The following FHIT variants were observed in gnomAD, a reference collection of about 807,000 sequenced individuals.
FHIT encodes bis(5'-adenosyl)-triphosphatase.
Under a neutral mutation model 17.9 loss-of-function variants are expected in FHIT, and 19 were observed. The observed-to-expected ratio is 1.06, with a 90% CI of 0.74 to 1.56. FHIT has a LOEUF of 1.56. Among genes scored for constraint, FHIT ranks in the 40% most tolerant of loss-of-function variants. FHIT has a pLI of 0.00. For synonymous variants in FHIT, 81 were observed against 69.7 expected (o/e 1.16, Z -0.81); for missense variants, 248 against 189.2 (o/e 1.31, Z -1.82).
intron 3 of FHIT, among the ~76,000 whole-genome samples, chr3:60,898,745 A>T (rs1705954319): frequency 6.6e-6 from 1 of 152,134 alleles, no homozygotes; most frequent in South Asian, 2.1e-4. Flanking sequence ...ATCCTGTACA[A>T]CTTCCTAACA....
At chr3:60,093,057 G>C (rs187539638) in intron 5 of FHIT, among the ~76,000 whole-genome samples, 193 of 152,220 alleles carry the variant, frequency 1.3e-3, no homozygotes, top group Non-Finnish European at 2.2e-3. Flanking sequence ...ACAAGGCAAC[G>C]CATCAGTTTC....
chr3:60,400,634 T>C (rs1043603982), intron 5 of FHIT, among the ~76,000 whole-genome samples: 4 of 152,034 alleles, frequency 2.6e-5, no homozygotes, highest in East Asian at 1.9e-4. Context: ...GAGCAAGAGA[T>C]GGCAGAAGAG....
At chr3:60,051,773 T>C (rs1433357444) in intron 5 of FHIT, among the ~76,000 whole-genome samples, 1 of 152,164 alleles carries the variant, frequency 6.6e-6, no homozygotes, top group Non-Finnish European at 1.5e-5. Context: ...GTATACAGGA[T>C]TCTACTTGTG....
chr3:60,064,507 C>G (rs1436090049), intron 5 of FHIT, among the ~76,000 whole-genome samples: 1 of 152,194 alleles, frequency 6.6e-6, no homozygotes, highest in Non-Finnish European at 1.5e-5. Flanking sequence ...GCATAGTAAA[C>G]AGTCATTGTA....
intron 5 of FHIT, among the ~76,000 whole-genome samples, chr3:60,175,453 G>C (rs1180838835): frequency 4.6e-5 from 7 of 152,106 alleles, no homozygotes; most frequent in Non-Finnish European, 8.8e-5. Flanking sequence ...ACTCTTCCTA[G>C]TTATAATATC....
intron 5 of FHIT, among the ~76,000 whole-genome samples, chr3:60,441,746 A>ATATATATATATTTG (rs1274654977): frequency 3.0e-5 from 1 of 33,448 alleles, no homozygotes; most frequent in Non-Finnish European, 5.7e-5. Flanking sequence ...ATATATATTT[A>ATATATATATATTTG]TATATATAAA....
intron 7 of FHIT, among the ~76,000 whole-genome samples, chr3:60,008,317 G>A (rs1357824127): frequency 1.3e-5 from 2 of 152,096 alleles, no homozygotes; most frequent in Non-Finnish European, 2.9e-5. Flanking sequence ...GGATGGCAGG[G>A]TTCTACTCCT....
chr3:59,748,593 T>C lies in FHIT; in HGVS notation c.*992A>G, dbSNP rs1420805675. On this transcript the variant is annotated 3_prime_UTR_variant, in exon 10 of 10. Transcript: ENST00000492590. ...AGGTGGGAGGTCCTCAAGGCAGAAA[T>C]AGGCCAGTAGATAAGGTGAAGAGGC... Among the ~76,000 whole-genome samples the C allele has an allele frequency of 2.6e-5, 4 of 151,690 alleles. No individual in the cohort carries two copies. The highest frequency in any genetic ancestry group is 9.7e-5 in the African/African-American group (4 of 41,222).
intron 4 of FHIT, among the ~76,000 whole-genome samples, chr3:60,793,078 A>G (rs1700842841): frequency 6.6e-6 from 1 of 152,188 alleles, no homozygotes; most frequent in South Asian, 2.1e-4. Flanking sequence ...AGGAATGTCC[A>G]GTGGAAGAAA....
chr3:60,387,470 G>A (rs559084532), intron 5 of FHIT, among the ~76,000 whole-genome samples: 34 of 152,134 alleles, frequency 2.2e-4, no homozygotes, highest in Middle Eastern at 3.4e-3. Flanking sequence ...TGGTGGTTGC[G>A]GTCTAAGTGG....
chr3:60,647,978 G>C (rs946278716), intron 4 of FHIT, among the ~76,000 whole-genome samples: 1 of 152,136 alleles, frequency 6.6e-6, no homozygotes, highest in Non-Finnish European at 1.5e-5. Context: ...GTTAACAAGA[G>C]TTTGTGGGGA....
At chr3:61,073,625 C>T (rs1022362956) in intron 2 of FHIT, among the ~76,000 whole-genome samples, 3 of 152,184 alleles carry the variant, frequency 2.0e-5, no homozygotes, top group East Asian at 1.9e-4. Context: ...GCAAAGAATT[C>T]GTGAGTATTC....
intron 4 of FHIT, among the ~76,000 whole-genome samples, chr3:60,657,560 T>C (rs1314361137): frequency 1.3e-5 from 2 of 152,164 alleles, no homozygotes; most frequent in African/African-American, 4.8e-5. Context: ...AATAAATATG[T>C]ATTATGTACC....
chr3:59,874,665 T>G (rs937620908), intron 8 of FHIT, among the ~76,000 whole-genome samples: 4 of 94,328 alleles, frequency 4.2e-5, no homozygotes, highest in South Asian at 4.8e-4. Flanking sequence ...CTTGCTTAGG[T>G]TTTGTGTTTT....
chr3:59,858,236 C>CTTTTTTTT (rs563841299), intron 8 of FHIT, among the ~76,000 whole-genome samples: 5 of 84,490 alleles, frequency 5.9e-5, no homozygotes, highest in Admixed American at 1.5e-4. Context: ...TTCCCACCTT[C>CTTTTTTTT]TTTTTTTTTT....
chr3:61,028,901 G>GA (rs11344435), intron 3 of FHIT, among the ~76,000 whole-genome samples: 2,201 of 138,136 alleles, frequency 0.016, 59 homozygotes, highest in African/African-American at 0.053. Context: ...AAAAAAAAAA[G>GA]AAAAAAAAAA....
At chr3:60,850,884 C>G (rs969490526) in intron 3 of FHIT, among the ~76,000 whole-genome samples, 1 of 152,046 alleles carries the variant, frequency 6.6e-6, no homozygotes, top group African/African-American at 2.4e-5. Context: ...TTTCAGTAAA[C>G]CCTGGTATAA....
At chr3:60,197,302 T>C (rs570404926) in intron 5 of FHIT, among the ~76,000 whole-genome samples, 2 of 152,098 alleles carry the variant, frequency 1.3e-5, no homozygotes, top group East Asian at 1.9e-4. Flanking sequence ...TTTCATAGCA[T>C]TAAAAAAAAA....
chr3:59,750,282 A>G, intron 9 of FHIT: 1 of 224,448 alleles, frequency 4.5e-6, no homozygotes, highest in Non-Finnish European at 8.9e-6. Flanking sequence ...CTTGGGAAAA[A>G]GGCTAAAGCT....
Sources: allele counts gnomAD v4.1 joint callset (sites outside exome capture counted in the v4.1 genomes callset), GRCh38; gene constraint gnomAD v4.1.1; transcripts MANE v1.5; gene names NCBI Gene and HGNC (gene_info 2026-07-23, HGNC 2026-07-21).